SCAPER: variants seen among roughly 807,000 people sequenced by gnomAD.
SCAPER encodes the protein S phase cyclin A-associated protein in the endoplasmic reticulum.
A neutral mutation model predicts 182.2 loss-of-function variants in SCAPER; 98 were observed. The ratio of observed to expected loss-of-function variants is 0.54; its 90% confidence interval spans 0.46 to 0.64. The LOEUF (loss-of-function observed/expected upper bound fraction) is 0.64, where lower values mean the gene tolerates loss of function less well. SCAPER is among the 30% of genes least tolerant of loss of function. The pLI, the probability that SCAPER is intolerant of heterozygous loss-of-function variation, is 0.00. For synonymous variants in SCAPER, 605 were observed against 564.6 expected (o/e 1.07, Z -1.01); for missense variants, 1,432 against 1,690.0 (o/e 0.85, Z 2.68).
chr15:76,875,557 C>T (rs1023850017), intron 2 of SCAPER, among the ~76,000 whole-genome samples: 5 of 152,208 alleles, frequency 3.3e-5, no homozygotes, highest in African/African-American at 1.2e-4. Context: ...GCATGAGAAT[C>T]ACTTGAACCT....
intron 21 of SCAPER, among the ~76,000 whole-genome samples, chr15:76,639,668 C>T (rs1444670059): frequency 6.6e-6 from 1 of 152,068 alleles, no homozygotes; most frequent in Non-Finnish European, 1.5e-5. Context: ...TGAGGACTTA[C>T]ACCCCGCCCC....
In SCAPER at chr15:76,466,439, T is replaced by TC. The variant is rs1260384956; in HGVS notation, c.3078+4772_3078+4773insG. ...TTCTTCTTTTTTTTTTTTTTTTTTT[T>TC]TTTGTATTTTCTGTCTCTTTGTTGA... On this transcript the variant is annotated intron_variant, in intron 25 of 31. Coordinates refer to ENST00000563290, the MANE Select transcript of SCAPER (RefSeq NM_020843.4). 2.8e-5 allele frequency among the ~76,000 whole-genome samples: 4 copies of TC among 142,184 alleles called. No homozygotes were observed. In the East Asian group the frequency reaches 6.0e-4, roughly 21 times the overall value. The allele number at this position is 142,184 out of a possible 152,430, so 93.3% of individuals were successfully genotyped here.
At chr15:76,562,155 A>AG (rs1359209274) in intron 23 of SCAPER, among the ~76,000 whole-genome samples, 3 of 150,312 alleles carry the variant, frequency 2.0e-5, no homozygotes. Context: ...TCTCAAAAAA[A>AG]AAAAAAAAAA....
In SCAPER at chr15:76,800,324, C is replaced by T; in HGVS notation, c.535G>A (p.Gly179Arg). The T allele has an allele frequency of 6.2e-7, 1 of 1,613,026 alleles. No individual in the cohort carries two copies. The highest frequency in any genetic ancestry group is 8.5e-7 in the Non-Finnish European group (1 of 1,179,458). ...GATGGACTTGGAATCACATGGCGTC[C>T]CGGAGACATCTTCTTTACTTCCCAT... Reference protein sequence around the residue: ...LAWEVKKMSPGRHVIPSPSTD... With the variant: ...LAWEVKKMSPRRHVIPSPSTD... Residue 179 changes from glycine (G) to arginine (R), a missense_variant, in exon 7 of 32, where the codon GGA becomes AGA. By Grantham distance (125) the Gly-to-Arg change is moderately radical (BLOSUM62 -2). This residue lies in a region of SCAPER where 480 missense variants were observed against 510.2 expected (regional missense o/e 0.94). Coordinates refer to ENST00000563290, the MANE Select transcript of SCAPER (RefSeq NM_020843.4).
chr15:76,400,364 C>T (rs2044374388), intron 27 of SCAPER, among the ~76,000 whole-genome samples: 2 of 152,232 alleles, frequency 1.3e-5, no homozygotes, highest in South Asian at 2.1e-4. Context: ...GCAAAAACCA[C>T]ACTACCTTTC....
intron 25 of SCAPER, among the ~76,000 whole-genome samples, chr15:76,439,121 T>C (rs981095247): frequency 2.6e-5 from 4 of 152,076 alleles, no homozygotes; most frequent in Admixed American, 2.0e-4. Context: ...AGTCTTGCTC[T>C]GTCACCCAGG....
intron 5 of SCAPER, among the ~76,000 whole-genome samples, chr15:76,833,686 G>C (rs566030500): frequency 9.5e-4 from 144 of 151,758 alleles, no homozygotes; most frequent in Middle Eastern, 6.8e-3. Context: ...CAAGCAAACA[G>C]AAAACAAAAA....
At chr15:76,781,275 A>G (rs1264095411) in intron 8 of SCAPER, among the ~76,000 whole-genome samples, 1 of 152,228 alleles carries the variant, frequency 6.6e-6, no homozygotes. Context: ...GATCAAGTGG[A>G]AGAAAGGATA....
intron 5 of SCAPER, among the ~76,000 whole-genome samples, chr15:76,824,007 C>A (rs2067785936): frequency 6.6e-6 from 1 of 152,052 alleles, no homozygotes; most frequent in Non-Finnish European, 1.5e-5. Flanking sequence ...GCTTACACAG[C>A]CTATTTCAAG....
intron 31 of SCAPER, chr15:76,350,110 T>TAAAAC (rs1240694602): frequency 2.0e-5 from 3 of 152,106 alleles, no homozygotes; most frequent in South Asian, 2.1e-4. Flanking sequence ...CTCCAGTAGT[T>TAAAAC]AAAACAAAAC....
At chr15:76,889,088 G>A (rs908524339) in intron 1 of SCAPER, among the ~76,000 whole-genome samples, 2 of 152,162 alleles carry the variant, frequency 1.3e-5, no homozygotes, top group Non-Finnish European at 2.9e-5. Flanking sequence ...AGCTTCAGAA[G>A]TGAAGGAGAA....
chr15:76,904,404 A>T (rs1053322585), intron 1 of SCAPER, among the ~76,000 whole-genome samples: 1 of 152,236 alleles, frequency 6.6e-6, no homozygotes, highest in African/African-American at 2.4e-5. Flanking sequence ...CGGTAAAATG[A>T]CTATTAATGA....
At chr15:76,830,641 A>G (rs1457157275) in intron 5 of SCAPER, among the ~76,000 whole-genome samples, 2 of 152,106 alleles carry the variant, frequency 1.3e-5, no homozygotes. Context: ...TAAAAGTAGT[A>G]TGTGTCATTC....
intron 23 of SCAPER, among the ~76,000 whole-genome samples, chr15:76,559,308 G>T (rs1207947215): frequency 6.8e-6 from 1 of 147,570 alleles, no homozygotes; most frequent in African/African-American, 2.5e-5. Context: ...CACCTGCCTT[G>T]GCTTCCCAAA....
intron 27 of SCAPER, among the ~76,000 whole-genome samples, chr15:76,403,562 C>G (rs2044618719): frequency 6.6e-6 from 1 of 152,070 alleles, no homozygotes; most frequent in Non-Finnish European, 1.5e-5. Flanking sequence ...TTAAAATGTT[C>G]TGAATATAGT....
At chr15:76,869,353 A>C (rs1302310026) in intron 2 of SCAPER, among the ~76,000 whole-genome samples, 3 of 152,192 alleles carry the variant, frequency 2.0e-5, no homozygotes, top group Non-Finnish European at 4.4e-5. Context: ...AAATATTTGG[A>C]AATTACCCAT....
At chr15:76,449,988 C>T (rs994940729) in intron 25 of SCAPER, among the ~76,000 whole-genome samples, 2 of 152,214 alleles carry the variant, frequency 1.3e-5, no homozygotes, top group African/African-American at 2.4e-5. Flanking sequence ...ATACAGTCTC[C>T]ATCACAACTA....
chr15:76,614,183 G>A (rs1228579083), intron 22 of SCAPER, among the ~76,000 whole-genome samples: 1 of 152,128 alleles, frequency 6.6e-6, no homozygotes, highest in East Asian at 1.9e-4. Flanking sequence ...ATTTATAAGT[G>A]GGAGCTAAAT....
chr15:76,798,024 T>G (rs1401057635), intron 7 of SCAPER, among the ~76,000 whole-genome samples: 2 of 151,900 alleles, frequency 1.3e-5, no homozygotes, highest in African/African-American at 2.4e-5. Context: ...ACATTGGGCT[T>G]ACTAGACAAA....
Sources: gnomAD v4.1 joint callset for allele counts (sites outside exome capture counted in the v4.1 genomes callset) on GRCh38, gnomAD v4.1.1 for gene constraint, gnomAD v4.1.1 regional missense constraint, MANE v1.5 for transcripts, NCBI Gene and HGNC (gene_info 2026-07-23, HGNC 2026-07-21) for gene names.